The following TMED3 variants were observed in gnomAD, a reference collection of about 807,000 sequenced individuals.
The protein encoded by TMED3 is transmembrane p24 trafficking protein 3.
Under a neutral mutation model 15.0 loss-of-function variants are expected in TMED3, and 9 were observed. The ratio of observed to expected loss-of-function variants is 0.60; its 90% CI spans 0.36 to 1.04. TMED3 has a LOEUF of 1.04. Ranked by LOEUF, TMED3 falls within the 50% of genes least tolerant of loss-of-function variation. The pLI, the probability that TMED3 is intolerant of heterozygous loss-of-function variation, is 0.01. For synonymous variants in TMED3, 117 were observed against 121.4 expected (o/e 0.96, Z 0.24); for missense variants, 267 against 278.9 (o/e 0.96, Z 0.30).
chr15:79,386,955 A>C, intron 2 of TMED3, among the ~76,000 whole-genome samples: 1 of 140,608 alleles, frequency 7.1e-6, no homozygotes, highest in Non-Finnish European at 1.5e-5. Context: ...TTTTTGAGAC[A>C]ATGTCTCGTT....
At chr15:79,364,522 AG>A (rs1049796979) in intron 2 of TMED3, among the ~76,000 whole-genome samples, 66 of 152,074 alleles carry the variant, frequency 4.3e-4, no homozygotes, top group African/African-American at 1.5e-3. Flanking sequence ...AAGTGGGAAC[AG>A]GCATTTCTGT....
At chr15:79,370,051 C>G (rs575874924) in intron 2 of TMED3, among the ~76,000 whole-genome samples, 1 of 152,112 alleles carries the variant, frequency 6.6e-6, no homozygotes, top group Non-Finnish European at 1.5e-5. Context: ...GACGAACTTG[C>G]CCTGTAGGGA....
At chr15:79,381,946 A>G (rs778372133) in intron 2 of TMED3, among the ~76,000 whole-genome samples, 6 of 152,254 alleles carry the variant, frequency 3.9e-5, no homozygotes, top group Non-Finnish European at 8.8e-5. Context: ...GACCAGCTCT[A>G]TCACTAATGA....
chr15:79,357,616 C>T (rs944681009), intron 2 of TMED3, among the ~76,000 whole-genome samples: 9 of 151,154 alleles, frequency 6.0e-5, no homozygotes, highest in Admixed American at 1.3e-4. Flanking sequence ...GTAGGCTCAT[C>T]TCCTACTGGG....
chr15:79,379,444 G>A (rs1487315490), intron 2 of TMED3, among the ~76,000 whole-genome samples: 1 of 151,972 alleles, frequency 6.6e-6, no homozygotes, highest in Non-Finnish European at 1.5e-5. Flanking sequence ...TTCAATATGT[G>A]TTTCAAAAAA....
rs1242909916 is a variant in TMED3, at chr15:79,322,020, G to A, written c.460G>A (p.Val154Met). 1 of 1,614,100 alleles carries A rather than the reference G, an allele frequency of 6.2e-7. No individual in the cohort carries two copies. Among genetic ancestry groups the A allele is most frequent in the African/African-American group, 1.3e-5 (1 of 74,934 alleles). Residue 154 changes from valine (V) to methionine (M), a missense_variant, in exon 3 of 3, where the codon GTG (valine) becomes ATG (methionine). Val to Met is a conservative substitution (Grantham distance 21, BLOSUM62 1). Coordinates refer to ENST00000299705, the MANE Select transcript of TMED3 (RefSeq NM_007364.4). ...GACCATCCATGAGGCTCTGAAAACGGTGATTGACTCCCAGACGCATTACCG... is the reference window on the plus strand; with the variant it reads ...GACCATCCATGAGGCTCTGAAAACGATGATTGACTCCCAGACGCATTACCG... ...CVTIHEALKT[V>M]IDSQTHYRLR...
chr15:79,330,676 T>A (rs1361063525), intron 2 of TMED3, among the ~76,000 whole-genome samples: 1 of 152,150 alleles, frequency 6.6e-6, no homozygotes, highest in Non-Finnish European at 1.5e-5. Flanking sequence ...GAAATATTTT[T>A]AAAATCCTAA....
intron 2 of TMED3, among the ~76,000 whole-genome samples, chr15:79,346,191 A>G (rs1203216601): frequency 1.3e-5 from 2 of 152,028 alleles, no homozygotes; most frequent in Non-Finnish European, 2.9e-5. Flanking sequence ...TTTTGTTACA[A>G]TTGCTTTTGG....
chr15:79,401,982 A>C (rs1024292642), intron 2 of TMED3, among the ~76,000 whole-genome samples: 4 of 152,178 alleles, frequency 2.6e-5, no homozygotes, highest in Non-Finnish European at 4.4e-5. Flanking sequence ...AGGCGAGGGC[A>C]GGGAAAGGAG....
At chr15:79,374,216 C>T (rs1289861089) in intron 2 of TMED3, among the ~76,000 whole-genome samples, 1 of 152,080 alleles carries the variant, frequency 6.6e-6, no homozygotes, top group East Asian at 1.9e-4. Flanking sequence ...CTGCTATCTG[C>T]CATGTGATGC....
chr15:79,383,022 C>T (rs1893562844), intron 2 of TMED3: 3 of 1,535,438 alleles, frequency 2.0e-6, no homozygotes, highest in Non-Finnish European at 2.6e-6. Context: ...AGTGTGATCA[C>T]CATCTGGGAT....
chr15:79,321,042 CCA>C (rs2058764270), intron 2 of TMED3, among the ~76,000 whole-genome samples: 1 of 152,218 alleles, frequency 6.6e-6, no homozygotes, highest in African/African-American at 2.4e-5. Context: ...GTGGTCACCT[CCA>C]CCTTCAAAGC....
At chr15:79,379,846 T>A (rs2141248839) in intron 2 of TMED3, among the ~76,000 whole-genome samples, 1 of 152,322 alleles carries the variant, frequency 6.6e-6, no homozygotes, top group Non-Finnish European at 1.5e-5. Flanking sequence ...ATATTAAACA[T>A]TTTATAAGCT....
chr15:79,354,204 C>T (rs1057253070), intron 2 of TMED3, among the ~76,000 whole-genome samples: 2 of 152,050 alleles, frequency 1.3e-5, no homozygotes, highest in Non-Finnish European at 2.9e-5. Flanking sequence ...ATTCTTGTCA[C>T]TAATTTCTTT....
Position 79,353,759 on chromosome 15 carries a change from T to C in TMED3, c.417+39754T>C, listed in dbSNP as rs1377075239. 2.0e-5 allele frequency among the ~76,000 whole-genome samples: 3 copies of C among 150,174 alleles called. No individual in the cohort carries two copies. In the Admixed American group the frequency reaches 2.0e-4, roughly 10 times the overall value. On this transcript the variant is annotated intron_variant, in intron 2 of 2. Transcript: ENST00000424155. ...TTTAAAAAATGAAGACATTATTGTGTTATTAAAAAAAACCTTAAAAAGAAA... is the reference window on the plus strand; with the variant it reads ...TTTAAAAAATGAAGACATTATTGTGCTATTAAAAAAAACCTTAAAAAGAAA...
At chr15:79,371,655 G>A (rs951347525) in intron 2 of TMED3, among the ~76,000 whole-genome samples, 3 of 152,200 alleles carry the variant, frequency 2.0e-5, no homozygotes, top group Non-Finnish European at 4.4e-5. Context: ...CTGTCTTCAT[G>A]CAACTGAGTT....
intron 2 of TMED3, among the ~76,000 whole-genome samples, chr15:79,332,065 A>G (rs927526602): frequency 7.9e-6 from 1 of 126,370 alleles, no homozygotes; most frequent in Non-Finnish European, 1.8e-5. Flanking sequence ...AAATAAATAA[A>G]TACATAAATA....
rs192535082 is a variant in TMED3, at chr15:79,400,033, G to A, written c.418-11367G>A. ...CATCAATGGCTTTCTATTGTACCGGGGATAAAGTCTAAACACTGCATAGCT... is the reference window on the plus strand; with the variant it reads ...CATCAATGGCTTTCTATTGTACCGGAGATAAAGTCTAAACACTGCATAGCT... On this transcript the variant is annotated intron_variant, in intron 2 of 2. Coordinates refer to the TMED3 transcript ENST00000424155. 8.9e-4 allele frequency among the ~76,000 whole-genome samples: 136 copies of A among 152,262 alleles called. 1 individual carries two copies. Among genetic ancestry groups the A allele is most frequent in the Admixed American group, 8.3e-3 (127 of 15,306 alleles).
At chr15:79,314,184 A>T (rs1024661486) in intron 2 of TMED3, among the ~76,000 whole-genome samples, 179 bp downstream of exon 2, 1 of 152,032 alleles carries the variant, frequency 6.6e-6, no homozygotes, top group African/African-American at 2.4e-5. Flanking sequence ...TCTTCTTTCG[A>T]TCTTCCTTTC....
Sources: allele counts gnomAD v4.1 joint callset (sites outside exome capture counted in the v4.1 genomes callset), GRCh38; gene constraint gnomAD v4.1.1; transcripts MANE v1.5; gene names NCBI Gene and HGNC (gene_info 2026-07-23, HGNC 2026-07-21).